Variants in ANXA10 observed in about 807,000 individuals in gnomAD.
ANXA10 encodes the protein annexin 14.
Under a neutral mutation model 53.5 loss-of-function variants are expected in ANXA10, and 49 were observed. The ratio of observed to expected loss-of-function variants is 0.92; its 90% CI spans 0.73 to 1.16. ANXA10 has a LOEUF of 1.16. ANXA10 is among the 50% of genes most tolerant of loss of function. The pLI is 0.00. For synonymous variants in ANXA10, 131 were observed against 128.9 expected (o/e 1.02, Z -0.11); for missense variants, 393 against 394.4 (o/e 1.00, Z 0.03).
chr4:168,178,091 C>T (rs1467853023), intron 8 of ANXA10, 108 bp downstream of exon 8: 1 of 1,006,086 alleles, frequency 9.9e-7, no homozygotes, highest in African/African-American at 1.6e-5. Flanking sequence ...AGCGGAAAGT[C>T]AGTTATCTCA....
intron 1 of ANXA10, among the ~76,000 whole-genome samples, chr4:168,099,744 A>T (rs1250638512): frequency 6.6e-6 from 1 of 152,092 alleles, no homozygotes; most frequent in Non-Finnish European, 1.5e-5. Flanking sequence ...TTCATGACTT[A>T]GTGGACTTGG....
chr4:168,173,572 G>T (rs529472418), intron 6 of ANXA10, among the ~76,000 whole-genome samples: 2 of 152,280 alleles, frequency 1.3e-5, no homozygotes, highest in East Asian at 1.9e-4. Flanking sequence ...ATGTTACCTC[G>T]GACCCATAGG....
chr4:168,165,464 T>C, intron 6 of ANXA10, 138 bp downstream of exon 6: 1 of 421,214 alleles, frequency 2.4e-6, no homozygotes, highest in Non-Finnish European at 4.2e-6. Flanking sequence ...TAGTAACATT[T>C]ACTGAAGCCA....
intron 6 of ANXA10, among the ~76,000 whole-genome samples, chr4:168,168,515 G>A (rs1312797584): frequency 1.3e-5 from 2 of 152,016 alleles, no homozygotes; most frequent in East Asian, 1.9e-4. Context: ...TGCCTCCCTG[G>A]TTCAAGTGAT....
At chr4:168,144,526 T>C (rs1047582620) in intron 3 of ANXA10, among the ~76,000 whole-genome samples, 1 of 152,200 alleles carries the variant, frequency 6.6e-6, no homozygotes, top group Non-Finnish European at 1.5e-5. Context: ...CCTGTTCCAT[T>C]CCAGTAGATA....
At chr4:168,100,605 T>C (rs1730624403) in intron 1 of ANXA10, among the ~76,000 whole-genome samples, 1 of 152,102 alleles carries the variant, frequency 6.6e-6, no homozygotes, top group Non-Finnish European at 1.5e-5. Flanking sequence ...TATTCTCATG[T>C]TTGAACCTCT....
At chr4:168,136,805 G>C (rs1646412438) in intron 2 of ANXA10, among the ~76,000 whole-genome samples, 1 of 152,184 alleles carries the variant, frequency 6.6e-6, no homozygotes, top group South Asian at 2.1e-4. Context: ...TCCCAGTGTG[G>C]GGGCTCCAAC....
At position 168,133,478 on chromosome 4, in the gene ANXA10, C is replaced by T. The variant is rs1731186993; in HGVS notation, c.100+5313C>T. ...AAAATTAATAATTTTAAAAAATAAT[C>T]AAGGCAGTCAGCTTTCTTTTGAAAG... is the stretch of plus-strand genomic sequence containing the variant. On this transcript the variant is annotated intron_variant, in intron 2 of 11. Coordinates refer to ENST00000359299, the MANE Select transcript of ANXA10 (RefSeq NM_007193.5). Among the ~76,000 whole-genome samples, 5 of 151,858 alleles carry T rather than the reference C, an allele frequency of 3.3e-5. No individual in the cohort carries two copies. In the South Asian group the frequency reaches 1.0e-3, roughly 31 times the overall value.
chr4:168,138,212 C>T (rs886162957), intron 2 of ANXA10, among the ~76,000 whole-genome samples: 4 of 152,054 alleles, frequency 2.6e-5, no homozygotes, highest in African/African-American at 9.7e-5. Flanking sequence ...CCACCCACCT[C>T]GACCCCCCAA....
chr4:168,146,234 C>A (rs1017574526), intron 3 of ANXA10, among the ~76,000 whole-genome samples: 2 of 152,062 alleles, frequency 1.3e-5, no homozygotes, highest in African/African-American at 4.8e-5. Flanking sequence ...AATAAAACTG[C>A]ATGATGGTCA....
chr4:168,138,309 A>T (rs112320461), intron 2 of ANXA10, among the ~76,000 whole-genome samples: 159 of 151,964 alleles, frequency 1.0e-3, no homozygotes, highest in Middle Eastern at 6.8e-3. Context: ...ATGGTATCTC[A>T]TTGTGGTTTT....
chr4:168,115,428 C>A (rs1041825239), intron 1 of ANXA10, among the ~76,000 whole-genome samples: 6 of 151,758 alleles, frequency 4.0e-5, no homozygotes, highest in Admixed American at 3.9e-4. Context: ...ATTTCAGCAA[C>A]CCAGACAATG....
intron 6 of ANXA10, among the ~76,000 whole-genome samples, chr4:168,173,034 C>A (rs1414412717): frequency 6.6e-6 from 1 of 152,156 alleles, no homozygotes; most frequent in Non-Finnish European, 1.5e-5. Context: ...AGGAGGTCCA[C>A]CTGCCTCAGC....
At position 168,184,620 on chromosome 4, in the gene ANXA10, T is replaced by C; in HGVS notation, c.845T>C (p.Leu282Pro). The C allele has an allele frequency of 6.2e-7, 1 of 1,614,066 alleles. No individual in the cohort carries two copies. Among genetic ancestry groups the C allele is most frequent in the Non-Finnish European group, 8.5e-7 (1 of 1,179,926 alleles). ...CTCATTGCCAGAAGTGAAATAGACC[T>C]GCTGACCATAAGGAAACGATACAAA... ...RILIARSEIDLLTIRKRYKER... is the reference protein window; with the variant it reads ...RILIARSEIDPLTIRKRYKER... The change falls in exon 11 of 12, where the codon CTG becomes CCG. Residue 282 changes from leucine (L) to proline (P), a missense_variant. Transcript: ENST00000359299.
At chr4:168,102,470 C>A (rs1330738600) in intron 1 of ANXA10, among the ~76,000 whole-genome samples, 1 of 152,078 alleles carries the variant, frequency 6.6e-6, no homozygotes, top group Non-Finnish European at 1.5e-5. Flanking sequence ...TTCACCTTCT[C>A]CAGAATGTCA....
intron 9 of ANXA10, among the ~76,000 whole-genome samples, chr4:168,180,698 A>T (rs1344783086): frequency 6.6e-6 from 1 of 152,246 alleles, no homozygotes; most frequent in Admixed American, 6.5e-5. Context: ...ACAATCTAAA[A>T]TAATTACTTA....
chr4:168,101,892 C>A (rs146283890), intron 1 of ANXA10, among the ~76,000 whole-genome samples: 1 of 152,062 alleles, frequency 6.6e-6, no homozygotes, highest in Non-Finnish European at 1.5e-5. Flanking sequence ...CATACTAATA[C>A]CTCCAATCTA....
chr4:168,117,351 A>G (rs1730910266), intron 1 of ANXA10, among the ~76,000 whole-genome samples: 1 of 152,236 alleles, frequency 6.6e-6, no homozygotes, highest in Non-Finnish European at 1.5e-5. Context: ...GTTCTCCAAA[A>G]TAACTCCTTT....
At chr4:168,159,125 G>C (rs190255414) in intron 3 of ANXA10, among the ~76,000 whole-genome samples, 30 of 152,116 alleles carry the variant, frequency 2.0e-4, no homozygotes, top group African/African-American at 7.0e-4. Context: ...ACACAAAGTG[G>C]ACTAACACGC....
Sources: gnomAD v4.1 joint callset for allele counts (sites outside exome capture counted in the v4.1 genomes callset) on GRCh38, gnomAD v4.1.1 for gene constraint, MANE v1.5 for transcripts, NCBI Gene and HGNC (gene_info 2026-07-23, HGNC 2026-07-21) for gene names.